B4GALNT3: variants seen among roughly 807,000 people sequenced by gnomAD.
B4GALNT3 encodes the protein beta-1,4-N-acetyl-galactosaminyltransferase 3.
B4GALNT3 carries 86 observed loss-of-function variants against 120.2 expected under a neutral mutation model. The observed-to-expected ratio is 0.72, with a 90% confidence interval of 0.60 to 0.86. The LOEUF is 0.86. Ranked by LOEUF, B4GALNT3 falls within the 40% of genes least tolerant of loss-of-function variation. The probability of loss-of-function intolerance (pLI) is 0.00; values close to 1 mark genes in which losing one functional copy is unlikely to be tolerated. For missense variants in B4GALNT3, 1,167 were observed against 1,298.9 expected (o/e 0.90, Z 1.56); for synonymous variants, 518 against 510.4 (o/e 1.01, Z -0.20).
chr12:511,837 CTT>C (rs1342482792), intron 1 of B4GALNT3, among the ~76,000 whole-genome samples: 2 of 60,502 alleles, frequency 3.3e-5, no homozygotes, highest in Non-Finnish European at 7.8e-5. Flanking sequence ...CTTCCACCTT[CTT>C]CCACCTTCCA....
At chr12:464,399 G>A (rs1946055804) in intron 1 of B4GALNT3, among the ~76,000 whole-genome samples, 1 of 152,280 alleles carries the variant, frequency 6.6e-6, no homozygotes, top group South Asian at 2.1e-4. Flanking sequence ...GGAGGCCGAG[G>A]CGGGCAGATC....
chr12:514,192 G>A (rs1159008257), intron 1 of B4GALNT3, among the ~76,000 whole-genome samples: 1 of 129,104 alleles, frequency 7.7e-6, no homozygotes, highest in African/African-American at 3.0e-5. Flanking sequence ...GTTATTGTCC[G>A]TTTTTGTTTT....
chr12:557,804 A>G (rs377409439), intron 16 of B4GALNT3, 43 bp downstream of exon 16: 9 of 1,572,226 alleles, frequency 5.7e-6, no homozygotes, highest in Non-Finnish European at 7.7e-6. Flanking sequence ...GGCCACGTCC[A>G]TCCTAAAGTC....
chr12:506,406 T>G (rs1209920929), intron 1 of B4GALNT3, among the ~76,000 whole-genome samples: 1 of 152,172 alleles, frequency 6.6e-6, no homozygotes, highest in African/African-American at 2.4e-5. Flanking sequence ...ACAGAGAAGT[T>G]TAAAACTGTT....
Position 554,024 on chromosome 12 carries a change from G to A in B4GALNT3, c.2060+41G>A, listed in dbSNP as rs759769742. The A allele has an allele frequency of 1.7e-5, 24 of 1,420,204 alleles. No individual in the cohort carries two copies. The Admixed American group carries it at 2.1e-4, about 12-fold the overall frequency. 88.0% of individuals were successfully genotyped at this position (1,420,204 alleles called of 1,614,324 possible). A position where few individuals can be genotyped will look rare whatever the true frequency, so the allele number is the denominator to read the frequency against. ...CTCCTGGGGCCAGGGACTGGGGCAC[G>A]TGGCAGCCAGCTGGCCTGGAAGGCA... On this transcript the variant is annotated intron_variant, in intron 14 of 19. Transcript: ENST00000266383.
intron 1 of B4GALNT3, among the ~76,000 whole-genome samples, chr12:465,302 G>A (rs1202055801): frequency 6.6e-6 from 1 of 152,062 alleles, no homozygotes; most frequent in East Asian, 1.9e-4. Context: ...TCAATTCTGG[G>A]CACATACTAG....
intron 1 of B4GALNT3, among the ~76,000 whole-genome samples, chr12:514,695 A>G (rs892472392): frequency 2.0e-5 from 3 of 152,224 alleles, no homozygotes; most frequent in Non-Finnish European, 4.4e-5. Context: ...GGGTCCATGT[A>G]TAAGAAGAGT....
intron 1 of B4GALNT3, among the ~76,000 whole-genome samples, chr12:528,321 G>A (rs1946775683): frequency 6.6e-6 from 1 of 152,038 alleles, no homozygotes; most frequent in Non-Finnish European, 1.5e-5. Context: ...GAACCCCTGG[G>A]CTCAAGCCAT....
chr12:503,304 C>T (rs1477996999), intron 1 of B4GALNT3, among the ~76,000 whole-genome samples: 3 of 152,134 alleles, frequency 2.0e-5, no homozygotes, highest in Non-Finnish European at 4.4e-5. Context: ...GACCACACCT[C>T]ACAATCTCAA....
intron 9 of B4GALNT3, among the ~76,000 whole-genome samples, chr12:549,550 G>A (rs183557043): frequency 3.3e-5 from 5 of 152,390 alleles, no homozygotes; most frequent in South Asian, 2.1e-4. Context: ...CAACACAGTC[G>A]TGTGGGTCAG....
Position 545,221 on chromosome 12 carries a change from C to T in B4GALNT3, c.539-148C>T, listed in dbSNP as rs537031355. The T allele has an allele frequency of 3.2e-5, 47 of 1,457,244 alleles. No homozygotes were observed. In the Admixed American group the frequency reaches 7.5e-4, roughly 23 times the overall value. The allele number at this position is 1,457,244 out of a possible 1,614,324, so 90.3% of individuals were successfully genotyped here. ...TCTTCTCCATCTTCACACTGTCTCC[C>T]AGGATGTAGAAACCCCCACTTTACA... On this transcript the variant is annotated intron_variant, in intron 5 of 19. Coordinates refer to ENST00000266383, the MANE Select transcript of B4GALNT3 (RefSeq NM_173593.4).
intron 1 of B4GALNT3, among the ~76,000 whole-genome samples, chr12:465,835 A>G (rs1401612555): frequency 7.3e-6 from 1 of 136,186 alleles, no homozygotes; most frequent in Non-Finnish European, 1.5e-5. Context: ...CTGTCCTGGG[A>G]GTTGAGGTCC....
chr12:505,463 G>A (rs1210241504), intron 1 of B4GALNT3, among the ~76,000 whole-genome samples: 7 of 152,264 alleles, frequency 4.6e-5, no homozygotes, highest in Admixed American at 1.3e-4. Flanking sequence ...AGGAAGGGCC[G>A]TCTGCCCAGC....
intron 1 of B4GALNT3, among the ~76,000 whole-genome samples, chr12:477,636 C>T (rs1000936598): frequency 6.6e-6 from 1 of 152,200 alleles, no homozygotes; most frequent in Admixed American, 6.5e-5. Flanking sequence ...TTTCCTCTCT[C>T]ACTTTCTTGA....
intron 1 of B4GALNT3, among the ~76,000 whole-genome samples, chr12:468,054 C>T (rs1450804738): frequency 1.3e-5 from 2 of 152,150 alleles, no homozygotes; most frequent in Admixed American, 1.3e-4. Context: ...TTTATCTCCC[C>T]ACTCCCACAA....
intron 1 of B4GALNT3, among the ~76,000 whole-genome samples, chr12:512,183 TCCA>T (rs1175750658): frequency 2.3e-5 from 2 of 85,870 alleles, no homozygotes; most frequent in African/African-American, 1.2e-4. Context: ...CCTTCCGCCT[TCCA>T]CCTTCCGCCT....
At chr12:545,493 C>G (rs956492368) in intron 6 of B4GALNT3, 24 bp downstream of exon 6, 1 of 1,568,586 alleles carries the variant, frequency 6.4e-7, no homozygotes, top group Non-Finnish European at 8.7e-7. Flanking sequence ...AACCCCGGTC[C>G]CTCCCATCTG....
At position 557,597 on chromosome 12, in the gene B4GALNT3, C is replaced by G; in HGVS notation, c.2381-11C>G. On this transcript the variant is annotated splice_polypyrimidine_tract_variant and intron_variant, in intron 15 of 19. Coordinates refer to ENST00000266383, the MANE Select transcript of B4GALNT3 (RefSeq NM_173593.4). ...CTGTGTTTCCTTCTCCTGCCTGACC[C>G]CCTGGGGTAGTGAAGAACCAGGCAC... 6.2e-7 allele frequency: 1 copy of G among 1,606,078 alleles called. No homozygotes were observed.
Position 527,642 on chromosome 12 carries a change from G to GC in B4GALNT3, c.170-7517dup, listed in dbSNP as rs59418489. 2.8e-4 allele frequency among the ~76,000 whole-genome samples: 42 copies of GC among 151,946 alleles called. No homozygotes were observed. In the South Asian group the frequency reaches 5.0e-3, roughly 18 times the overall value. ...TCCACCTTTCTGCGGCTCCTCACTT[G>GC]CCCCCCCACCATGCACACCTGTGCT... On this transcript the variant is annotated intron_variant, in intron 1 of 19. Transcript: ENST00000266383.
Sources: gnomAD v4.1 joint callset for allele counts (sites outside exome capture counted in the v4.1 genomes callset) on GRCh38, gnomAD v4.1.1 for gene constraint, MANE v1.5 for transcripts, NCBI Gene and HGNC (gene_info 2026-07-23, HGNC 2026-07-21) for gene names.